MYH9: variants seen among roughly 807,000 people sequenced by gnomAD.
The protein encoded by MYH9 is myosin heavy chain 9.
Under a neutral mutation model 241.9 loss-of-function variants are expected in MYH9, and 29 were observed. The ratio of observed to expected loss-of-function variants is 0.12; its 90% CI spans 0.09 to 0.16. The LOEUF is 0.16. MYH9 is among the 10% of genes least tolerant of loss of function. The pLI, the probability that MYH9 is intolerant of heterozygous loss-of-function variation, is 1.00. For synonymous variants in MYH9, 1,047 were observed against 1,062.6 expected (o/e 0.99, Z 0.29); for missense variants, 1,803 against 2,595.5 (o/e 0.69, Z 6.63).
chr22:36,337,791 G>C (rs2017521992), intron 3 of MYH9, among the ~76,000 whole-genome samples: 3 of 152,288 alleles, frequency 2.0e-5, no homozygotes, highest in Middle Eastern at 6.8e-3. Context: ...GATTTTAACA[G>C]CCTGCAGACC....
intron 31 of MYH9, 134 bp downstream of exon 31, chr22:36,291,852 C>G (rs2016709346): frequency 7.5e-7 from 1 of 1,335,200 alleles, no homozygotes; most frequent in Non-Finnish European, 1.0e-6. Flanking sequence ...TGAGGGTCCT[C>G]TAAGCACTGG....
intron 25 of MYH9, among the ~76,000 whole-genome samples, chr22:36,296,321 G>A (rs1165838328): frequency 6.6e-6 from 1 of 152,086 alleles, no homozygotes; most frequent in African/African-American, 2.4e-5. Flanking sequence ...TGCAACCTCT[G>A]CCTCCTGGGT....
At chr22:36,310,615 G>A (rs1027402433) in intron 14 of MYH9, among the ~76,000 whole-genome samples, 3 of 152,236 alleles carry the variant, frequency 2.0e-5, no homozygotes, top group African/African-American at 7.2e-5. Context: ...GCATGTTGCT[G>A]TTTATCATGA....
chr22:36,286,806 C>T lies in MYH9; in HGVS notation c.4973G>A (p.Arg1658His), dbSNP rs375515914. 5.0e-6 allele frequency: 8 copies of T among 1,611,666 alleles called. No homozygotes were observed. Among genetic ancestry groups the T allele is most frequent in the South Asian group, 4.4e-5 (4 of 91,090 alleles). Residue 1658 changes from arginine to histidine, a missense_variant, in exon 35 of 41, where the codon CGC becomes CAC. By Grantham distance (29) the Arg-to-His change is conservative (BLOSUM62 0). Around this residue, in one of 11 missense-constraint regions of MYH9, gnomAD observed 876 missense variants for 1,077.8 expected, o/e 0.81. Transcript: ENST00000216181. ...GGCCAGGATCTCCTCACGAGAGGCG[C>T]GGGTGTCATCCAGCTCGCGCATGCA... ...KDCMRELDDT[R>H]ASREEILAQA...
intron 1 of MYH9, among the ~76,000 whole-genome samples, chr22:36,366,332 A>G (rs1004213079): frequency 6.6e-6 from 1 of 152,172 alleles, no homozygotes; most frequent in Admixed American, 6.5e-5. Context: ...AAGATCACAT[A>G]GCCAGGCCAA....
chr22:36,327,375 C>A (rs2017352398), intron 4 of MYH9, 86 bp downstream of exon 4: 2 of 1,508,388 alleles, frequency 1.3e-6, no homozygotes, highest in Non-Finnish European at 1.8e-6. Flanking sequence ...ACTCTGCAAG[C>A]CCCAGTTGTG....
Position 36,285,612 on chromosome 22 carries a change from G to C in MYH9, c.5274+46C>G. On this transcript the variant is annotated intron_variant, in intron 37 of 40. Coordinates refer to ENST00000216181, the MANE Select transcript of MYH9 (RefSeq NM_002473.6). The surrounding 1 kb of genome is among the most constrained non-coding windows in gnomAD (Gnocchi z 7.0). ...CTGGGTCCAAGGCCAGCTCTGCCGTGGTGGCTCCAGCCAGAGCCCAGAGTG... is the reference window on the plus strand; with the variant it reads ...CTGGGTCCAAGGCCAGCTCTGCCGTCGTGGCTCCAGCCAGAGCCCAGAGTG... 1.2e-6 allele frequency: 2 copies of C among 1,609,934 alleles called. No individual in the cohort carries two copies. The highest frequency in any genetic ancestry group is 1.7e-6 in the Non-Finnish European group (2 of 1,179,816).
intron 1 of MYH9, among the ~76,000 whole-genome samples, chr22:36,353,081 C>A (rs73405785): frequency 1.3e-5 from 2 of 150,326 alleles, no homozygotes; most frequent in African/African-American, 4.9e-5. Context: ...TGTTTCCACT[C>A]GTATCCTGTG....
At chr22:36,387,105 C>A (rs1346854898) in intron 1 of MYH9, among the ~76,000 whole-genome samples, 1 of 152,232 alleles carries the variant, frequency 6.6e-6, no homozygotes, top group Non-Finnish European at 1.5e-5. Flanking sequence ...TGGGGGTGGC[C>A]CTTCCTGTCT....
At chr22:36,284,326 A>T (rs748054547) in intron 39 of MYH9, 61 bp from the exon 40 acceptor site, 90 of 1,604,626 alleles carry the variant, frequency 5.6e-5, no homozygotes, top group Non-Finnish European at 7.2e-5. Context: ...GCAGCCAGTC[A>T]GCCCCACTGC....
intron 19 of MYH9, 103 bp from the exon 20 acceptor site, chr22:36,302,779 G>A: frequency 1.0e-6 from 1 of 970,352 alleles, no homozygotes; most frequent in Non-Finnish European, 1.6e-6. Flanking sequence ...ACCCTTGCCT[G>A]GGGCACCTCA....
At chr22:36,387,341 G>T (rs1351967419) in intron 1 of MYH9, among the ~76,000 whole-genome samples, 1 of 152,234 alleles carries the variant, frequency 6.6e-6, no homozygotes, top group African/African-American at 2.4e-5. Context: ...TGCCTCAGAC[G>T]CCAGAAACTT....
chr22:36,294,782 G>A (rs551098665), intron 27 of MYH9, 150 bp downstream of exon 27: 29 of 983,148 alleles, frequency 2.9e-5, no homozygotes, highest in African/African-American at 1.1e-4. Context: ...ACTGAGGCAC[G>A]AGTCACAAAG....
intron 3 of MYH9, among the ~76,000 whole-genome samples, chr22:36,333,912 T>C (rs2017459579): frequency 6.6e-6 from 1 of 152,042 alleles, no homozygotes; most frequent in South Asian, 2.1e-4. Context: ...GATTAGGGAT[T>C]TGATGTGAGT....
chr22:36,294,739 G>A (rs2016761726), intron 27 of MYH9, among the ~76,000 whole-genome samples, 193 bp downstream of exon 27: 1 of 152,234 alleles, frequency 6.6e-6, no homozygotes, highest in Admixed American at 6.5e-5. Flanking sequence ...TCACGAGACA[G>A]ACATACCATA....
chr22:36,297,203 G>A (rs1286597039), intron 24 of MYH9, 189 bp from the exon 25 acceptor site: 22 of 646,818 alleles, frequency 3.4e-5, no homozygotes, highest in South Asian at 9.3e-5. Flanking sequence ...CTAGCCCCTG[G>A]CATGTCTCTC....
chr22:36,304,089 C>G lies in MYH9; in HGVS notation c.2296G>C (p.Gly766Arg), dbSNP rs757850500. Residue 766 changes from glycine to arginine, a missense_variant, in exon 19 of 41, where the codon GGT (glycine) becomes CGT (arginine). Around this residue, in one of 11 missense-constraint regions of MYH9, gnomAD observed 72 missense variants for 83.3 expected, o/e 0.86. Coordinates refer to ENST00000216181, the MANE Select transcript of MYH9 (RefSeq NM_002473.6). ...IGQSKVFFRA[G>R]VLAHLEEERD... is the part of the protein sequence containing the mutation. ...TCCTCCTCCAGGTGGGCCAGCACACCGGCACGGAAGAAGACTTTGCTCTGG... is the reference window on the plus strand; with the variant it reads ...TCCTCCTCCAGGTGGGCCAGCACACGGGCACGGAAGAAGACTTTGCTCTGG... 1 of 1,613,856 alleles carries G rather than the reference C, an allele frequency of 6.2e-7. No individual in the cohort carries two copies. The highest frequency in any genetic ancestry group is 8.5e-7 in the Non-Finnish European group (1 of 1,180,034).
Position 36,288,593 on chromosome 22 carries a change from T to G in MYH9, c.4770+134A>C. ...GTCACTGAACCCCGAGACAGGAGGC[T>G]AGAAAGAAGGAATATGGGAGGGGAG... On this transcript the variant is annotated intron_variant, in intron 33 of 40. Transcript: ENST00000216181. The surrounding 1 kb of genome is among the most constrained non-coding windows in gnomAD (Gnocchi z 4.8). 7.5e-7 allele frequency: 1 copy of G among 1,326,330 alleles called. No homozygotes were observed. The highest frequency in any genetic ancestry group is 1.1e-6 in the Non-Finnish European group (1 of 935,802). The allele number at this position is 1,326,330 out of a possible 1,614,324, so 82.2% of individuals were successfully genotyped here.
chr22:36,349,335 C>T (rs2017731305), intron 1 of MYH9, 80 bp from the exon 2 acceptor site: 1 of 1,022,720 alleles, frequency 9.8e-7, no homozygotes, highest in Admixed American at 2.0e-5. Context: ...CACCTCTTCT[C>T]TTTGCAAACT....
Sources: gnomAD v4.1 joint callset for allele counts (sites outside exome capture counted in the v4.1 genomes callset) on GRCh38, gnomAD v4.1.1 for gene constraint, gnomAD v4.1.1 regional missense constraint, Gnocchi (gnomAD v3.1) non-coding constraint, MANE v1.5 for transcripts, NCBI Gene and HGNC (gene_info 2026-07-23, HGNC 2026-07-21) for gene names.